The following LMO4 variants were observed in gnomAD, a reference collection of about 807,000 sequenced individuals.
LMO4 encodes the protein LIM domain only 4.
Under a neutral mutation model 18.5 loss-of-function variants are expected in LMO4, and 3 were observed. The ratio of observed to expected loss-of-function variants is 0.16; its 90% confidence interval spans 0.07 to 0.42. The LOEUF (loss-of-function observed/expected upper bound fraction) is 0.42. Among genes scored for constraint, LMO4 ranks in the 10% least tolerant of loss-of-function variants. LMO4 has a pLI of 0.99. For missense variants in LMO4, 121 were observed against 219.9 expected (o/e 0.55, Z 2.84); for synonymous variants, 100 against 88.1 (o/e 1.14, Z -0.76).
At position 87,348,687 on chromosome 1, in the gene LMO4, C is replaced by A. The variant is rs958452537; in HGVS notation, c.*3891C>A. The A allele has an allele frequency of 1.4e-5, 7 of 502,200 alleles. No individual in the cohort carries two copies. Among genetic ancestry groups the A allele is most frequent in the African/African-American group, 1.3e-4 (7 of 51,854 alleles). The allele number at this position is 502,200 out of a possible 1,614,324, so 31.1% of individuals were successfully genotyped here. On this transcript the variant is annotated 3_prime_UTR_variant, in exon 5 of 5. Transcript: ENST00000370544. Reference sequence around the variant, plus strand: ...GGCTGATTTTTGGAAGGTGAACTTGCAACTTACCTCAAGTGAATACTGTTT... The same window carrying A: ...GGCTGATTTTTGGAAGGTGAACTTGAAACTTACCTCAAGTGAATACTGTTT...
intron 2 of LMO4, among the ~76,000 whole-genome samples, chr1:87,335,931 G>A (rs1352985716): frequency 6.6e-6 from 1 of 150,496 alleles, no homozygotes; most frequent in Non-Finnish European, 1.5e-5. Flanking sequence ...TAGGGGGAAC[G>A]TTTATCTTGA....
chr1:87,339,487 C>G, intron 2 of LMO4, 49 bp from the exon 3 acceptor site: 1 of 1,366,510 alleles, frequency 7.3e-7, no homozygotes, highest in Non-Finnish European at 1.0e-6. Flanking sequence ...CTTTCTTTTT[C>G]TTTGGTTTAG....
chr1:87,337,533 G>T (rs1421345937), intron 2 of LMO4, among the ~76,000 whole-genome samples: 1 of 152,164 alleles, frequency 6.6e-6, no homozygotes, highest in East Asian at 1.9e-4. Context: ...TGCTGTAAGA[G>T]GATATTTGTT....
intron 1 of LMO4, 131 bp from the exon 2 acceptor site, chr1:87,331,882 T>TAAAAAA: frequency 1.8e-5 from 13 of 709,124 alleles, no homozygotes; most frequent in Admixed American, 1.0e-4. Flanking sequence ...TTCCCGCCCT[T>TAAAAAA]GCCCTGCTGT....
intron 1 of LMO4, among the ~76,000 whole-genome samples, chr1:87,329,845 C>T (rs927627230): frequency 1.3e-5 from 2 of 152,124 alleles, no homozygotes; most frequent in Non-Finnish European, 2.9e-5. Flanking sequence ...GTTTGTCCCT[C>T]CCTTGGTCTC....
rs55673919 is a variant in LMO4, at chr1:87,345,019, C to G, written c.*223C>G. 3.8e-6 allele frequency: 1 copy of G among 266,192 alleles called. No individual in the cohort carries two copies. Among genetic ancestry groups the G allele is most frequent in the African/African-American group, 2.5e-5 (1 of 39,754 alleles). 16.5% of individuals were successfully genotyped at this position (266,192 alleles called of 1,614,324 possible). A position where few individuals can be genotyped will look rare whatever the true frequency, so the allele number is the denominator to read the frequency against. On this transcript the variant is annotated 3_prime_UTR_variant, in exon 5 of 5. Transcript: ENST00000370544. ...TCCATGAACCTGGGCTAATGGGAGA[C>G]TGTAGAGAAAATGAAAAAAGATCCA...
Position 87,345,867 on chromosome 1 carries a change from TTATAAA to T in LMO4, c.*1074_*1079del. 6.6e-6 allele frequency: 1 copy of T among 152,236 alleles called. No individual in the cohort carries two copies. Among genetic ancestry groups the T allele is most frequent in the Non-Finnish European group, 1.5e-5 (1 of 68,038 alleles). The allele number at this position is 152,236 out of a possible 1,614,324, so 9.4% of individuals were successfully genotyped here. A position where few individuals can be genotyped will look rare whatever the true frequency, so the allele number is the denominator to read the frequency against. Reference sequence around the variant, plus strand: ...CTATATCACAGTAAGTCTTTTGTGTTTATAAATACTTGAGTGTCCACTATTTTGTTT... The same window carrying T: ...CTATATCACAGTAAGTCTTTTGTGTTTACTTGAGTGTCCACTATTTTGTTT... On this transcript the variant is annotated 3_prime_UTR_variant, in exon 5 of 5. Coordinates refer to ENST00000370544, the MANE Select transcript of LMO4 (RefSeq NM_006769.4).
intron 4 of LMO4, 117 bp from the exon 5 acceptor site, chr1:87,344,671 A>G (rs1188124630): frequency 3.0e-6 from 3 of 1,010,116 alleles, no homozygotes; most frequent in Non-Finnish European, 4.7e-6. Context: ...CACAGTTGGA[A>G]AGTAATCTAA....
chr1:87,335,579 G>T (rs921452301), intron 2 of LMO4, among the ~76,000 whole-genome samples: 1 of 152,116 alleles, frequency 6.6e-6, no homozygotes, highest in Non-Finnish European at 1.5e-5. Context: ...GGGGGTGGGG[G>T]CCTGGGGCGA....
At chr1:87,334,411 C>T (rs1030608851) in intron 2 of LMO4, among the ~76,000 whole-genome samples, 3 of 152,168 alleles carry the variant, frequency 2.0e-5, no homozygotes, top group African/African-American at 7.2e-5. Context: ...CTCAGCCCAT[C>T]AGGATGTCCA....
intron 2 of LMO4, among the ~76,000 whole-genome samples, chr1:87,335,665 A>G (rs1013266369): frequency 1.3e-5 from 2 of 152,154 alleles, no homozygotes; most frequent in Non-Finnish European, 2.9e-5. Context: ...AGGCGCCGCC[A>G]GACAGCGAGT....
chr1:87,338,285 C>G (rs1483225904), intron 2 of LMO4, among the ~76,000 whole-genome samples: 1 of 152,148 alleles, frequency 6.6e-6, no homozygotes, highest in Admixed American at 6.5e-5. Context: ...GAATATGTCT[C>G]CTGGTTTGAC....
In LMO4 at chr1:87,348,307, C is replaced by T. The variant is rs1450375209; in HGVS notation, c.*3511C>T. On this transcript the variant is annotated 3_prime_UTR_variant, in exon 5 of 5. Coordinates refer to ENST00000370544, the MANE Select transcript of LMO4 (RefSeq NM_006769.4). ...AGGGAATTCTATCCTGGGTGCTGTC[C>T]CACCTATGACCCCTTCAAGAGGCCA... is the stretch of plus-strand genomic sequence containing the variant. 5.4e-6 allele frequency: 1 copy of T among 186,530 alleles called. No homozygotes were observed. The highest frequency in any genetic ancestry group is 1.1e-5 in the Non-Finnish European group (1 of 87,670). 11.6% of individuals were successfully genotyped at this position (186,530 alleles called of 1,614,324 possible). A position where few individuals can be genotyped will look rare whatever the true frequency, so the allele number is the denominator to read the frequency against.
chr1:87,344,163 C>T (rs1650567326), intron 4 of LMO4, among the ~76,000 whole-genome samples: 1 of 152,090 alleles, frequency 6.6e-6, no homozygotes. Context: ...AGACACACAC[C>T]TATAGGTAGT....
At position 87,345,002 on chromosome 1, in the gene LMO4, C is replaced by G; in HGVS notation, c.*206C>G. The G allele has an allele frequency of 2.3e-6, 1 of 442,978 alleles. No individual in the cohort carries two copies. Among genetic ancestry groups the G allele is most frequent in the East Asian group, 3.6e-5 (1 of 27,792 alleles). 27.4% of individuals were successfully genotyped at this position (442,978 alleles called of 1,614,324 possible). A position where few individuals can be genotyped will look rare whatever the true frequency, so the allele number is the denominator to read the frequency against. The stretch of plus-strand genomic sequence containing the variant: ...ATATGAACATTAAGGACTCCATGAA[C>G]CTGGGCTAATGGGAGACTGTAGAGA... On this transcript the variant is annotated 3_prime_UTR_variant, in exon 5 of 5. Coordinates refer to ENST00000370544, the MANE Select transcript of LMO4 (RefSeq NM_006769.4).
chr1:87,336,442 A>G (rs1650315874), intron 2 of LMO4, among the ~76,000 whole-genome samples: 1 of 152,188 alleles, frequency 6.6e-6, no homozygotes, highest in Admixed American at 6.5e-5. Context: ...AAGCCCACCT[A>G]TTGGTCATTG....
rs1183562381 is a variant in LMO4, at chr1:87,331,660, C to T, written c.-3-353C>T. 1.5e-5 allele frequency: 4 copies of T among 268,208 alleles called. No individual in the cohort carries two copies. The East Asian group carries it at 3.0e-4, about 20-fold the overall frequency. 16.6% of individuals were successfully genotyped at this position (268,208 alleles called of 1,614,324 possible). A position where few individuals can be genotyped will look rare whatever the true frequency, so the allele number is the denominator to read the frequency against. ...GAGGAGGGGAGGAGGGGGCAGTGGGCGGAGGCGGGGGCTGGGAGGAGGTGC... is the reference window on the plus strand; with the variant it reads ...GAGGAGGGGAGGAGGGGGCAGTGGGTGGAGGCGGGGGCTGGGAGGAGGTGC... On this transcript the variant is annotated intron_variant, in intron 1 of 4. Coordinates refer to ENST00000370544, the MANE Select transcript of LMO4 (RefSeq NM_006769.4).
rs563964577 is a variant in LMO4 at position 87,329,885 on chromosome 1, G to A, written c.-4+641G>A. On this transcript the variant is annotated intron_variant, in intron 1 of 4. Coordinates refer to ENST00000370544, the MANE Select transcript of LMO4 (RefSeq NM_006769.4). ...AAAAAACACCAGAGACGTTGTTAAA[G>A]GGGGGCAGATTTTGCCTCTAGCTGC... Among the ~76,000 whole-genome samples the A allele has an allele frequency of 4.6e-5, 7 of 152,270 alleles. No individual in the cohort carries two copies. In the South Asian group the frequency reaches 1.5e-3, roughly 32 times the overall value.
chr1:87,344,904 C>A lies in LMO4; in HGVS notation c.*108C>A. ...TCACCTTTGTAGCTAGCACCAGTGC[C>A]AGCTCCATGCCATTGCACCTTCTTT... On this transcript the variant is annotated 3_prime_UTR_variant, in exon 5 of 5. Coordinates refer to ENST00000370544, the MANE Select transcript of LMO4 (RefSeq NM_006769.4). 9.6e-7 allele frequency: 1 copy of A among 1,036,732 alleles called. No individual in the cohort carries two copies. Among genetic ancestry groups the A allele is most frequent in the South Asian group, 1.3e-5 (1 of 77,296 alleles). The allele number at this position is 1,036,732 out of a possible 1,614,324, so 64.2% of individuals were successfully genotyped here.
Sources: allele counts gnomAD v4.1 joint callset (sites outside exome capture counted in the v4.1 genomes callset), GRCh38; gene constraint gnomAD v4.1.1; transcripts MANE v1.5; gene names NCBI Gene and HGNC (gene_info 2026-07-23, HGNC 2026-07-21).